MACF1: variants seen among roughly 807,000 people sequenced by gnomAD.
MACF1 encodes microtubule-actin cross-linking factor 1.
MACF1 carries 193 observed loss-of-function variants against 854.8 expected under a neutral mutation model. The ratio of observed to expected loss-of-function variants is 0.23; its 90% confidence interval spans 0.20 to 0.25. The LOEUF is 0.25. Ranked by LOEUF, MACF1 falls within the 10% of genes least tolerant of loss-of-function variation. MACF1 has a pLI of 1.00. For missense variants in MACF1, 7,722 were observed against 8,929.1 expected (o/e 0.86, Z 5.45); for synonymous variants, 3,185 against 3,226.7 (o/e 0.99, Z 0.44).
Position 39,358,694 on chromosome 1 carries a change from C to G in MACF1, c.11944-3C>G. 6.2e-7 allele frequency: 1 copy of G among 1,613,240 alleles called. No individual in the cohort carries two copies. The highest frequency in any genetic ancestry group is 8.5e-7 in the Non-Finnish European group (1 of 1,179,808). ...TCTGCTTACCTTTCTTTCTCTGGCA[C>G]AGTGTACACGATTAGGATCTCACCT... On this transcript the variant is annotated splice_region_variant and splice_polypyrimidine_tract_variant and intron_variant, in intron 45 of 100. Transcript: ENST00000564288.
At chr1:39,252,546 A>T (rs980522711) in intron 4 of MACF1, among the ~76,000 whole-genome samples, 2 of 152,180 alleles carry the variant, frequency 1.3e-5, no homozygotes, top group Non-Finnish European at 1.5e-5. Context: ...AGAGTATAAG[A>T]GGAGTGTATT....
rs1272519516 is a variant in MACF1 at position 39,385,650 on chromosome 1, C to G, written c.14065C>G (p.Gln4689Glu). Residue 4689 changes from glutamine (Q) to glutamate (E), a missense_variant, in exon 57 of 101, where the codon CAG becomes GAG. Gln to Glu is a conservative substitution (Grantham distance 29, BLOSUM62 2). This residue lies in a region of MACF1 where 2,807 missense variants were observed against 3,235.8 expected (regional missense o/e 0.87). Coordinates refer to ENST00000564288, the MANE Select transcript of MACF1 (RefSeq NM_001394062.1). ...AGCTATTGTTAAGAGCACCCAGTAC[C>G]AGGAACTGCTCCAGGACTTATCAGA... ...DQAIVKSTQY[Q>E]ELLQDLSEKV... 2.5e-6 allele frequency: 4 copies of G among 1,614,034 alleles called. No individual in the cohort carries two copies. The highest frequency in any genetic ancestry group is 3.4e-6 in the Non-Finnish European group (4 of 1,180,046).
intron 78 of MACF1, 139 bp downstream of exon 78, chr1:39,443,050 A>G (rs1644151313): frequency 1.3e-6 from 1 of 790,864 alleles, no homozygotes; most frequent in South Asian, 1.8e-5. Flanking sequence ...GCTGTAACTT[A>G]TCTAGAAAGA....
In MACF1 at chr1:39,334,266, G is replaced by C. The variant is rs1158214172; in HGVS notation, c.7678G>C (p.Ala2560Pro). 3 of 1,613,912 alleles carry C rather than the reference G, an allele frequency of 1.9e-6. No individual in the cohort carries two copies. Reference sequence around the variant, plus strand: ...GAAGGAAAATATTTCCCTCCCTAAAGCCATAAAATTAGATCTTATTACCTC... The same window carrying C: ...GAAGGAAAATATTTCCCTCCCTAAACCCATAAAATTAGATCTTATTACCTC... ...ETKENISLPK[A>P]IKLDLITSDL... Residue 2560 changes from alanine to proline, a missense_variant, in exon 37 of 101, where the codon GCC (alanine) becomes CCC (proline). Ala to Pro is a conservative substitution (Grantham distance 27). Coordinates refer to ENST00000564288, the MANE Select transcript of MACF1 (RefSeq NM_001394062.1).
chr1:39,135,438 G>A (rs1643140746), intron 2 of MACF1, among the ~76,000 whole-genome samples: 1 of 151,976 alleles, frequency 6.6e-6, no homozygotes, highest in African/African-American at 2.4e-5. Flanking sequence ...TAGTAGAGAT[G>A]GGGTTTCACC....
In MACF1 at chr1:39,333,863, C is replaced by T. The variant is rs745452967; in HGVS notation, c.7275C>T (p.Ala2425=). 5.0e-6 allele frequency: 8 copies of T among 1,614,126 alleles called. No homozygotes were observed. Among genetic ancestry groups the T allele is most frequent in the Admixed American group, 1.7e-5 (1 of 60,014 alleles). ...KRGKKVSVTL[A]STLGLVDVAD... is the part of the protein sequence containing the mutation. Reference sequence around the variant, plus strand: ...GCAAAAAAGTTTCAGTAACTTTGGCCTCAACTCTTGGCTTGGTGGACGTTG... The same window carrying T: ...GCAAAAAAGTTTCAGTAACTTTGGCTTCAACTCTTGGCTTGGTGGACGTTG... Residue 2425 remains alanine (A), a synonymous_variant, in exon 37 of 101, where the codon GCC becomes GCT. Coordinates refer to ENST00000564288, the MANE Select transcript of MACF1 (RefSeq NM_001394062.1).
intron 4 of MACF1, 66 bp from the exon 5 acceptor site, chr1:39,254,232 G>A (rs1302754564): frequency 6.0e-6 from 8 of 1,335,442 alleles, no homozygotes; most frequent in Non-Finnish European, 8.6e-6. Context: ...GGAAATAAAA[G>A]AGAAAGGGTC....
chr1:39,414,371 T>C, intron 58 of MACF1: 1 of 1,613,936 alleles, frequency 6.2e-7, no homozygotes, highest in Non-Finnish European at 8.5e-7. Context: ...GGAATGTGGA[T>C]CAAGGAGGAC....
chr1:39,111,950 T>A (rs1642418360), intron 2 of MACF1, among the ~76,000 whole-genome samples: 1 of 152,176 alleles, frequency 6.6e-6, no homozygotes, highest in Admixed American at 6.6e-5. Context: ...AACTATACCA[T>A]CTGTTACTGC....
chr1:39,160,141 C>T (rs750901726), intron 2 of MACF1, among the ~76,000 whole-genome samples: 13 of 151,976 alleles, frequency 8.6e-5, no homozygotes, highest in Non-Finnish European at 1.6e-4. Context: ...ATAATGAGAC[C>T]CCCATCTCTA....
At chr1:39,253,147 C>A (rs1056647002) in intron 4 of MACF1, among the ~76,000 whole-genome samples, 4 of 152,152 alleles carry the variant, frequency 2.6e-5, no homozygotes, top group African/African-American at 9.7e-5. Context: ...ATATCCCTTT[C>A]TGTGATACTC....
chr1:39,102,318 C>CA (rs1642112402), intron 2 of MACF1, among the ~76,000 whole-genome samples: 1 of 151,862 alleles, frequency 6.6e-6, no homozygotes, highest in African/African-American at 2.4e-5. Context: ...AATTAGACGA[C>CA]AAACAGTCTC....
At chr1:39,147,343 TTC>T (rs907913851) in intron 2 of MACF1, among the ~76,000 whole-genome samples, 1 of 151,174 alleles carries the variant, frequency 6.6e-6, no homozygotes, top group African/African-American at 2.4e-5. Flanking sequence ...TTCTTTTTCC[TTC>T]TCTTTTCATT....
intron 2 of MACF1, among the ~76,000 whole-genome samples, chr1:39,162,126 G>A (rs1212518109): frequency 6.6e-6 from 1 of 151,604 alleles, no homozygotes; most frequent in Non-Finnish European, 1.5e-5. Context: ...TCAGCCTCCT[G>A]AGTAGCTGAG....
Position 39,310,323 on chromosome 1 carries a change from A to G in MACF1, c.2995A>G (p.Ser999Gly), listed in dbSNP as rs1299526043. The G allele has an allele frequency of 1.2e-6, 2 of 1,614,128 alleles. No individual in the cohort carries two copies. Among genetic ancestry groups the G allele is most frequent in the Admixed American group, 1.7e-5 (1 of 60,008 alleles). Residue 999 changes from serine (S) to glycine (G), a missense_variant, in exon 25 of 101, where the codon AGT (serine) becomes GGT (glycine). Physicochemically the swap from Ser to Gly is moderately conservative, Grantham distance 56 (BLOSUM62 0). Coordinates refer to ENST00000564288, the MANE Select transcript of MACF1 (RefSeq NM_001394062.1). Reference sequence around the variant, plus strand: ...CCACTATGAAGACTTTCTGCAGGATAGTCGTGACTCTGTGCTGTTCTCAGT... The same window carrying G: ...CCACTATGAAGACTTTCTGCAGGATGGTCGTGACTCTGTGCTGTTCTCAGT... ...QAHYEDFLQD[S>G]RDSVLFSVAD...
Position 39,481,031 on chromosome 1 carries a change from G to A in MACF1, c.22281+1G>A. On this transcript the variant is annotated splice_donor_variant, in intron 99 of 100. Transcript: ENST00000564288. LOFTEE classifies it high-confidence loss of function. ...TGACCTCCAGCTGCCCACCCCCGAG[G>A]TAGAGTATGGCTTTGCTGACTGAGG... 7 of 1,543,082 alleles carry A rather than the reference G, an allele frequency of 4.5e-6. No homozygotes were observed. The highest frequency in any genetic ancestry group is 5.3e-6 in the Non-Finnish European group (6 of 1,140,202).
rs1196201447 is a variant in MACF1 at position 39,424,022 on chromosome 1, T to A, written c.16150-6T>A. The stretch of plus-strand genomic sequence containing the variant: ...GTGTTACAGCTTTTCATTCTCTTTA[T>A]AATAGTTGCTCCAGCGGCTCCTAGA... On this transcript the variant is annotated splice_polypyrimidine_tract_variant and splice_region_variant and intron_variant, in intron 60 of 100. Coordinates refer to ENST00000564288, the MANE Select transcript of MACF1 (RefSeq NM_001394062.1). 1.2e-6 allele frequency: 2 copies of A among 1,608,646 alleles called. No homozygotes were observed. Among genetic ancestry groups the A allele is most frequent in the South Asian group, 2.2e-5 (2 of 90,612 alleles).
chr1:39,296,715 G>A (rs1645907759), intron 20 of MACF1, among the ~76,000 whole-genome samples: 1 of 140,146 alleles, frequency 7.1e-6, no homozygotes, highest in Admixed American at 7.4e-5. Flanking sequence ...GGGCAACAGA[G>A]CAAGTGTCTA....
At chr1:39,258,287 C>G (rs1287319283) in intron 6 of MACF1, among the ~76,000 whole-genome samples, 1 of 152,194 alleles carries the variant, frequency 6.6e-6, no homozygotes, top group East Asian at 1.9e-4. Flanking sequence ...CCTCAGCAGT[C>G]TGGTTATTAG....
Sources: gnomAD v4.1 joint callset for allele counts (sites outside exome capture counted in the v4.1 genomes callset) on GRCh38, gnomAD v4.1.1 for gene constraint, gnomAD v4.1.1 regional missense constraint, MANE v1.5 for transcripts, NCBI Gene and HGNC (gene_info 2026-07-23, HGNC 2026-07-21) for gene names.